Variants in SYTL3 observed in about 807,000 individuals in gnomAD.
SYTL3 encodes the protein synaptotagmin like 3.
SYTL3 carries 88 observed loss-of-function variants against 82.1 expected under a neutral mutation model. The observed-to-expected ratio is 1.07, with a 90% confidence interval of 0.90 to 1.28. The LOEUF (loss-of-function observed/expected upper bound fraction) is 1.28. Among genes scored for constraint, SYTL3 ranks in the 50% most tolerant of loss-of-function variants. The pLI is 0.00. For missense variants in SYTL3, 831 were observed against 757.6 expected (o/e 1.10, Z -1.14); for synonymous variants, 311 against 289.4 (o/e 1.07, Z -0.76).
rs1784609936 is a variant in SYTL3 at position 158,725,494 on chromosome 6, C to T, written c.721-9C>T. 6.2e-7 allele frequency: 1 copy of T among 1,611,756 alleles called. No individual in the cohort carries two copies. The highest frequency in any genetic ancestry group is 8.5e-7 in the Non-Finnish European group (1 of 1,179,164). On this transcript the variant is annotated splice_polypyrimidine_tract_variant and intron_variant, in intron 10 of 17. Coordinates refer to ENST00000611299, the MANE Select transcript of SYTL3 (RefSeq NM_001242394.2). ...ACTATAATATTAATTTCTGTTTTTC[C>T]TTCTCCAGAAGGTCAGTGCACCAGA...
At chr6:158,749,507 C>CTTTTTTTTTTTTT (rs765386344) in intron 12 of SYTL3, among the ~76,000 whole-genome samples, 2 of 66,028 alleles carry the variant, frequency 3.0e-5, no homozygotes, top group African/African-American at 6.4e-5. Flanking sequence ...TTCTTTCTCT[C>CTTTTTTTTTTTTT]TTTTTTTTTT....
At chr6:158,726,021 C>A in intron 11 of SYTL3, 1 of 633,220 alleles carries the variant, frequency 1.6e-6, no homozygotes, top group South Asian at 1.4e-5. Context: ...GTGTCGCAGT[C>A]CACGTGTGTG....
chr6:158,745,296 T>C (rs1386549320), intron 11 of SYTL3, among the ~76,000 whole-genome samples, 184 bp from the exon 12 acceptor site: 1 of 151,458 alleles, frequency 6.6e-6, no homozygotes, highest in Non-Finnish European at 1.5e-5. Flanking sequence ...GAGGATTCTC[T>C]GTCTCCTTGA....
chr6:158,670,173 T>C (rs894751816), intron 5 of SYTL3, among the ~76,000 whole-genome samples: 1 of 152,234 alleles, frequency 6.6e-6, no homozygotes, highest in Non-Finnish European at 1.5e-5. Flanking sequence ...TTCAGACTGG[T>C]TTTCCCAGTA....
intron 12 of SYTL3, among the ~76,000 whole-genome samples, chr6:158,747,413 G>A (rs1053076430): frequency 1.3e-5 from 2 of 151,954 alleles, no homozygotes; most frequent in Admixed American, 6.6e-5. Context: ...CCAGCTTGGA[G>A]TGCAGTGGTG....
intron 5 of SYTL3, among the ~76,000 whole-genome samples, chr6:158,669,217 A>AT (rs1562354914): frequency 6.6e-6 from 1 of 152,162 alleles, no homozygotes; most frequent in Admixed American, 6.6e-5. Flanking sequence ...GTTTGCATTA[A>AT]TTTTTTCTAT....
chr6:158,698,802 G>C (rs1249821433), intron 6 of SYTL3, among the ~76,000 whole-genome samples: 1 of 142,308 alleles, frequency 7.0e-6, no homozygotes, highest in Admixed American at 7.0e-5. Flanking sequence ...TATTATGACA[G>C]ATTTCCTGGG....
chr6:158,699,652 T>G (rs1419322694), intron 6 of SYTL3, among the ~76,000 whole-genome samples: 2 of 152,042 alleles, frequency 1.3e-5, no homozygotes, highest in Non-Finnish European at 2.9e-5. Context: ...TTATTATTTA[T>G]TTTTTAAAAA....
rs529590983 is a variant in SYTL3, at chr6:158,756,151, C to G, written c.1138-1060C>G. On this transcript the variant is annotated intron_variant, in intron 13 of 17. Coordinates refer to ENST00000611299, the MANE Select transcript of SYTL3 (RefSeq NM_001242394.2). ...GAGGCTGAGGTGGAGTCAGCCACAC[C>G]TTGGGAAGGGCTGGGTGCCACTGAG... 4.1e-4 allele frequency among the ~76,000 whole-genome samples: 62 copies of G among 152,370 alleles called. 1 individual carries two copies. Among genetic ancestry groups the G allele is most frequent in the African/African-American group, 1.4e-3 (60 of 41,594 alleles).
chr6:158,705,707 G>A (rs143181173), intron 6 of SYTL3, among the ~76,000 whole-genome samples: 98 of 150,694 alleles, frequency 6.5e-4, no homozygotes, highest in African/African-American at 2.1e-3. Context: ...AGGTCACATA[G>A]ACCTGGGGAC....
chr6:158,699,964 A>AAT (rs1468151524), intron 6 of SYTL3, among the ~76,000 whole-genome samples: 3 of 149,266 alleles, frequency 2.0e-5, no homozygotes, highest in African/African-American at 7.5e-5. Context: ...AGAATAATAA[A>AAT]AAATAAATAG....
At chr6:158,683,355 G>GA (rs946607073) in intron 6 of SYTL3, among the ~76,000 whole-genome samples, 2 of 151,940 alleles carry the variant, frequency 1.3e-5, no homozygotes, top group East Asian at 1.9e-4. Context: ...GGAGTACCTG[G>GA]GATTACAGGC....
intron 11 of SYTL3, among the ~76,000 whole-genome samples, chr6:158,735,464 G>T (rs139177487): frequency 0.017 from 2,659 of 152,166 alleles, 29 homozygotes; most frequent in Non-Finnish European, 0.027. Context: ...TTATAATCAT[G>T]TTACTATGCA....
At chr6:158,670,446 T>C (rs1252422745) in intron 5 of SYTL3, among the ~76,000 whole-genome samples, 1 of 152,234 alleles carries the variant, frequency 6.6e-6, no homozygotes, top group Admixed American at 6.5e-5. Context: ...GACTCTTTCC[T>C]GTTTCAAAAC....
chr6:158,718,550 A>G (rs895610897), intron 10 of SYTL3, among the ~76,000 whole-genome samples: 4 of 152,226 alleles, frequency 2.6e-5, no homozygotes, highest in African/African-American at 9.6e-5. Flanking sequence ...CTGCCGGGTT[A>G]GCCCTGGAGT....
At chr6:158,714,252 T>C (rs1387759618) in intron 9 of SYTL3, among the ~76,000 whole-genome samples, 1 of 151,786 alleles carries the variant, frequency 6.6e-6, no homozygotes, top group Non-Finnish European at 1.5e-5. Context: ...CTGGGGAAGC[T>C]GAGGCAGGAG....
At chr6:158,682,397 C>T (rs1481640057) in intron 5 of SYTL3, among the ~76,000 whole-genome samples, 4 of 127,786 alleles carry the variant, frequency 3.1e-5, no homozygotes, top group African/African-American at 1.3e-4. Context: ...TCTGGCTCTG[C>T]CGCCCAGGCT....
intron 5 of SYTL3, among the ~76,000 whole-genome samples, chr6:158,672,553 TTTC>T (rs1231041355): frequency 1.6e-5 from 2 of 124,420 alleles, no homozygotes; most frequent in African/African-American, 7.6e-5. Flanking sequence ...GGTTTTTTTG[TTTC>T]TTTTTTTTTT....
chr6:158,707,407 T>C, intron 7 of SYTL3, 126 bp downstream of exon 7: 1 of 750,072 alleles, frequency 1.3e-6, no homozygotes, highest in Non-Finnish European at 2.1e-6. Flanking sequence ...TCTTTTTTTT[T>C]TTTTTCTTTT....
Sources: allele counts gnomAD v4.1 joint callset (sites outside exome capture counted in the v4.1 genomes callset), GRCh38; gene constraint gnomAD v4.1.1; transcripts MANE v1.5; gene names NCBI Gene and HGNC (gene_info 2026-07-23, HGNC 2026-07-21).